Variants in PRR16 observed in about 807,000 individuals in gnomAD.
The protein encoded by PRR16 is protein Largen.
PRR16 carries 6 observed loss-of-function variants against 18.2 expected under a neutral mutation model. That is an observed-to-expected ratio of 0.33 (90% confidence interval 0.18 to 0.65). PRR16 has a LOEUF of 0.65. Among genes scored for constraint, PRR16 ranks in the 30% least tolerant of loss-of-function variants. The pLI is 0.74. For synonymous variants in PRR16, 151 were observed against 147.8 expected (o/e 1.02, Z -0.16); for missense variants, 412 against 376.6 (o/e 1.09, Z -0.78).
intron 1 of PRR16, among the ~76,000 whole-genome samples, chr5:120,646,048 T>TTTTTTATATA (rs748781292): frequency 9.5e-6 from 1 of 104,984 alleles, no homozygotes; most frequent in Non-Finnish European, 2.1e-5. Context: ...AATACATATT[T>TTTTTTATATA]TATATATATA....
At chr5:120,560,640 C>T (rs987831420) in intron 1 of PRR16, among the ~76,000 whole-genome samples, 4 of 151,838 alleles carry the variant, frequency 2.6e-5, no homozygotes, top group African/African-American at 4.8e-5. Context: ...AGGGTGATAC[C>T]GACTTCATAG....
intron 1 of PRR16, among the ~76,000 whole-genome samples, chr5:120,545,193 C>T (rs377012327): frequency 3.3e-5 from 5 of 152,206 alleles, no homozygotes; most frequent in East Asian, 3.9e-4. Context: ...TGCTTATTCA[C>T]ATGCACAGAG....
chr5:120,741,748 G>A, the PRR16 span, among the ~76,000 whole-genome samples: 1 of 151,872 alleles, frequency 6.6e-6, no homozygotes, highest in Non-Finnish European at 1.5e-5. Context: ...TTACAGGCAC[G>A]CACCACCAAG....
chr5:120,623,351 C>G (rs1754752769), intron 1 of PRR16, among the ~76,000 whole-genome samples: 1 of 152,084 alleles, frequency 6.6e-6, no homozygotes, highest in South Asian at 2.1e-4. Flanking sequence ...AATCAGGATT[C>G]TACCTATATA....
chr5:120,769,939 CT>C, the PRR16 span, among the ~76,000 whole-genome samples: 39,896 of 151,710 alleles, frequency 0.26, 5,573 homozygotes, highest in Non-Finnish European at 0.3. Flanking sequence ...GTACTTTTGA[CT>C]TTCATTTCTT....
chr5:120,493,126 A>T (rs1013019166), intron 1 of PRR16, among the ~76,000 whole-genome samples: 6 of 152,174 alleles, frequency 3.9e-5, no homozygotes, highest in Non-Finnish European at 8.8e-5. Context: ...TTTTTAAGGA[A>T]TGTCTATATT....
At chr5:120,510,810 G>T (rs1481600956) in intron 1 of PRR16, among the ~76,000 whole-genome samples, 2 of 152,146 alleles carry the variant, frequency 1.3e-5, no homozygotes, top group East Asian at 1.9e-4. Context: ...GTTTGTAATG[G>T]AATGAAAGGT....
rs1216739017 is a variant in PRR16, at chr5:120,674,920, ATTT to A, written c.160-11029_160-11027del. Among the ~76,000 whole-genome samples, 8 of 151,590 alleles carry A rather than the reference ATTT, an allele frequency of 5.3e-5. No individual in the cohort carries two copies. In the South Asian group the frequency reaches 1.5e-3, roughly 28 times the overall value. ...AATTTAACATTTGTTTTATATTCCAATTTTTTTATTTTATTGCTTTTTTTACGT... is the reference window on the plus strand; with the variant it reads ...AATTTAACATTTGTTTTATATTCCAATTTTATTTTATTGCTTTTTTTACGT... On this transcript the variant is annotated intron_variant, in intron 1 of 1. Transcript: ENST00000407149.
At chr5:120,626,472 A>G (rs935891226) in intron 1 of PRR16, among the ~76,000 whole-genome samples, 1 of 152,172 alleles carries the variant, frequency 6.6e-6, no homozygotes, top group South Asian at 2.1e-4. Context: ...ATGACTGCAA[A>G]TGAGCATGAG....
At chr5:120,712,511 A>AG in the PRR16 span, among the ~76,000 whole-genome samples, 1 of 152,174 alleles carries the variant, frequency 6.6e-6, no homozygotes, top group Non-Finnish European at 1.5e-5. Context: ...AACAAAAAGA[A>AG]GGGGAACCTT....
chr5:120,691,263 T>C (rs1056208814), downstream of PRR16, among the ~76,000 whole-genome samples: 2 of 152,170 alleles, frequency 1.3e-5, no homozygotes, highest in Admixed American at 6.5e-5. Context: ...ACTTCGTAAA[T>C]CTTTCCTTTA....
At chr5:120,776,190 A>C in the PRR16 span, among the ~76,000 whole-genome samples, 1 of 152,104 alleles carries the variant, frequency 6.6e-6, no homozygotes, top group African/African-American at 2.4e-5. Flanking sequence ...ACTTTGCCTC[A>C]GTGATTTTCC....
At chr5:120,549,953 T>C (rs1379362178) in intron 1 of PRR16, among the ~76,000 whole-genome samples, 1 of 151,992 alleles carries the variant, frequency 6.6e-6, no homozygotes, top group Non-Finnish European at 1.5e-5. Context: ...CTCATAAACA[T>C]GGTAAAGGAT....
chr5:120,693,842 T>C, the PRR16 span, among the ~76,000 whole-genome samples: 1 of 152,244 alleles, frequency 6.6e-6, no homozygotes, highest in Admixed American at 6.5e-5. Context: ...GTAACATTTA[T>C]AGAAATGATA....
the PRR16 span, among the ~76,000 whole-genome samples, chr5:120,769,542 T>A: frequency 6.6e-6 from 1 of 151,938 alleles, no homozygotes. Flanking sequence ...TTGCAGAACT[T>A]CCTTTTTTTA....
chr5:120,482,277 C>T (rs892520269), intron 1 of PRR16, among the ~76,000 whole-genome samples: 9 of 152,208 alleles, frequency 5.9e-5, no homozygotes, highest in Middle Eastern at 3.4e-3. Context: ...ACACTTTTCC[C>T]GCTTCTTCTC....
At chr5:120,787,844 A>G in the PRR16 span, among the ~76,000 whole-genome samples, 3 of 152,080 alleles carry the variant, frequency 2.0e-5, no homozygotes, top group Non-Finnish European at 4.4e-5. Flanking sequence ...ATTTTCCAGT[A>G]CCATTAGCAT....
chr5:120,686,205 C>T lies in PRR16; in HGVS notation c.411C>T (p.Pro137=). The T allele has an allele frequency of 6.2e-7, 1 of 1,614,118 alleles. No homozygotes were observed. Among genetic ancestry groups the T allele is most frequent in the Non-Finnish European group, 8.5e-7 (1 of 1,180,032 alleles). ...PRLTPVKCED[P]KRVVPTANPV... ...TGACACCTGTGAAGTGTGAAGACCC[C>T]AAAAGGGTGGTTCCAACTGCCAATC... is the stretch of plus-strand genomic sequence containing the variant. The change falls in exon 2 of 2, where the codon CCC becomes CCT. Residue 137 remains proline, a synonymous_variant. Coordinates refer to ENST00000407149, the MANE Select transcript of PRR16 (RefSeq NM_001300783.2).
chr5:120,615,617 G>C (rs1754485889), intron 1 of PRR16, among the ~76,000 whole-genome samples: 1 of 151,730 alleles, frequency 6.6e-6, no homozygotes, highest in Admixed American at 6.6e-5. Context: ...TTTTGTTTTT[G>C]ATTGTTGGTC....
Sources: allele counts gnomAD v4.1 joint callset (sites outside exome capture counted in the v4.1 genomes callset), GRCh38; gene constraint gnomAD v4.1.1; transcripts MANE v1.5; gene names NCBI Gene and HGNC (gene_info 2026-07-23, HGNC 2026-07-21).